CORIN: variants seen among roughly 807,000 people sequenced by gnomAD.
The protein encoded by CORIN is corin, serine peptidase, also known as atrial natriuretic peptide-converting enzyme.
A neutral mutation model predicts 125.3 loss-of-function variants in CORIN; 117 were observed. The observed-to-expected ratio is 0.93, with a 90% CI of 0.80 to 1.09. The LOEUF is 1.09. Among genes scored for constraint, CORIN ranks in the 50% least tolerant of loss-of-function variants. CORIN has a pLI of 0.00. For synonymous variants in CORIN, 450 were observed against 466.4 expected, an observed-to-expected ratio of 0.96 and a Z score of 0.45; for missense variants, 1,253 against 1,306.7, an observed-to-expected ratio of 0.96 and a Z score of 0.63.
At chr4:47,713,107 A>G (rs1726923905) in intron 5 of CORIN, among the ~76,000 whole-genome samples, 2 of 152,186 alleles carry the variant, frequency 1.3e-5, no homozygotes, top group Admixed American at 1.3e-4. Context: ...AAAACAATAA[A>G]ACTTTCTTCA....
At chr4:47,741,556 G>C (rs1227910344) in intron 5 of CORIN, among the ~76,000 whole-genome samples, 4 of 152,020 alleles carry the variant, frequency 2.6e-5, no homozygotes, top group Admixed American at 1.3e-4. Context: ...ATATAGCTGA[G>C]AGAATTAAAA....
chr4:47,689,914 A>T (rs1725693345), intron 6 of CORIN, among the ~76,000 whole-genome samples: 1 of 152,196 alleles, frequency 6.6e-6, no homozygotes, highest in Non-Finnish European at 1.5e-5. Context: ...ACTGAAAGCC[A>T]GGGTTACAGA....
intron 2 of CORIN, among the ~76,000 whole-genome samples, chr4:47,792,652 G>A (rs901250053): frequency 2.0e-5 from 3 of 152,180 alleles, no homozygotes; most frequent in African/African-American, 7.2e-5. Context: ...TCCTTCTACT[G>A]GGGCATAAGC....
intron 12 of CORIN, among the ~76,000 whole-genome samples, chr4:47,658,843 G>A (rs572542970): frequency 1.6e-4 from 24 of 152,312 alleles, no homozygotes; most frequent in African/African-American, 5.5e-4. Context: ...CACATAGGTA[G>A]GCTGCAAATT....
At chr4:47,600,412 G>T in intron 20 of CORIN, 65 bp from the exon 21 acceptor site, 1 of 1,113,620 alleles carries the variant, frequency 9.0e-7, no homozygotes, top group Non-Finnish European at 1.2e-6. Context: ...AGGCTAGTGA[G>T]GCTAGCCAAA....
At chr4:47,680,072 A>C (rs1004762778) in intron 8 of CORIN, 69 bp downstream of exon 8, 1 of 984,650 alleles carries the variant, frequency 1.0e-6, no homozygotes, top group African/African-American at 1.6e-5. Flanking sequence ...TACAGTCCTC[A>C]ACCTTGAGTA....
At chr4:47,784,735 A>G (rs544707026) in intron 3 of CORIN, among the ~76,000 whole-genome samples, 1 of 152,276 alleles carries the variant, frequency 6.6e-6, no homozygotes, top group African/African-American at 2.4e-5. Flanking sequence ...TGCTTAAGAC[A>G]TGACTGAAAA....
At chr4:47,631,716 C>G (rs1157326777) in intron 16 of CORIN, among the ~76,000 whole-genome samples, 1 of 152,188 alleles carries the variant, frequency 6.6e-6, no homozygotes, top group African/African-American at 2.4e-5. Context: ...AAACCAGTCC[C>G]TGGTGCCAAA....
At position 47,683,657 on chromosome 4, in the gene CORIN, A is replaced by G. The variant is rs925312697; in HGVS notation, c.1021+74T>C. On this transcript the variant is annotated intron_variant, in intron 7 of 21. Transcript: ENST00000273857. Reference sequence around the variant, plus strand: ...TAAACTGCTAATCATATTAACACATAATGAACTGTAAGTTTTTGGTTATAA... The same window carrying G: ...TAAACTGCTAATCATATTAACACATGATGAACTGTAAGTTTTTGGTTATAA... 51 of 1,054,634 alleles carry G rather than the reference A, an allele frequency of 4.8e-5. No homozygotes were observed. The African/African-American group carries it at 7.2e-4, about 15-fold the overall frequency. The allele number at this position is 1,054,634 out of a possible 1,614,324, so 65.3% of individuals were successfully genotyped here.
chr4:47,781,936 T>G (rs1049554410), intron 3 of CORIN, among the ~76,000 whole-genome samples: 25 of 151,140 alleles, frequency 1.7e-4, no homozygotes, highest in African/African-American at 5.6e-4. Flanking sequence ...AGACTCCATC[T>G]CAAAAAAAGA....
intron 2 of CORIN, chr4:47,790,256 T>G: frequency 5.2e-6 from 5 of 965,276 alleles, no homozygotes; most frequent in Non-Finnish European, 6.2e-6. Context: ...GACAGCCAAG[T>G]AAAAATGGCT....
At chr4:47,647,193 C>A (rs1723529219) in intron 13 of CORIN, among the ~76,000 whole-genome samples, 1 of 152,012 alleles carries the variant, frequency 6.6e-6, no homozygotes, top group South Asian at 2.1e-4. Context: ...GAGAAAGAGC[C>A]TGAAGCCTGT....
chr4:47,713,065 TCTA>T (rs1726921216), intron 5 of CORIN, among the ~76,000 whole-genome samples: 1 of 152,122 alleles, frequency 6.6e-6, no homozygotes. Context: ...AAAATGGGCT[TCTA>T]CTCTGAAAAA....
chr4:47,703,026 G>A (rs747312341), intron 5 of CORIN, among the ~76,000 whole-genome samples: 20 of 151,872 alleles, frequency 1.3e-4, no homozygotes, highest in Admixed American at 2.0e-4. Context: ...CCATCAACCC[G>A]TCATCTACAT....
intron 16 of CORIN, among the ~76,000 whole-genome samples, chr4:47,636,467 G>C (rs893167973): frequency 2.6e-5 from 4 of 152,190 alleles, no homozygotes; most frequent in Non-Finnish European, 5.9e-5. Context: ...ATATGCTGTT[G>C]ACATGATTTG....
At position 47,594,632 on chromosome 4, in the gene CORIN, T is replaced by G. The variant is rs868811071; in HGVS notation, c.*1089A>C. ...TGCAAAGTCTTACTGTGCTCTAAAA[T>G]ATGCTCTTTATGACTTTGTTGGTAT... On this transcript the variant is annotated 3_prime_UTR_variant, in exon 22 of 22. Coordinates refer to ENST00000273857, the MANE Select transcript of CORIN (RefSeq NM_006587.4). The G allele has an allele frequency of 6.6e-5, 10 of 152,294 alleles. No individual in the cohort carries two copies. The South Asian group carries it at 1.7e-3, about 25-fold the overall frequency. 9.4% of individuals were successfully genotyped at this position (152,294 alleles called of 1,614,324 possible).
At position 47,767,370 on chromosome 4, in the gene CORIN, A is replaced by G. The variant is rs928370544; in HGVS notation, c.410-3784T>C. On this transcript the variant is annotated intron_variant, in intron 3 of 21. Transcript: ENST00000273857. ...AATTACCACCATTAAAAAGAAAAAA[A>G]AAGAAAAATATTCATCTATCTCTAA... 3.4e-5 allele frequency among the ~76,000 whole-genome samples: 5 copies of G among 148,426 alleles called. No homozygotes were observed. In the Admixed American group the frequency reaches 3.4e-4, roughly 10 times the overall value.
At chr4:47,606,467 C>T (rs916611760) in intron 19 of CORIN, among the ~76,000 whole-genome samples, 1 of 152,078 alleles carries the variant, frequency 6.6e-6, no homozygotes, top group African/African-American at 2.4e-5. Flanking sequence ...CTGTGTTGCC[C>T]AAGCTGGTCT....
chr4:47,787,240 T>C (rs1256836585), intron 2 of CORIN, among the ~76,000 whole-genome samples: 1 of 152,174 alleles, frequency 6.6e-6, no homozygotes, highest in Non-Finnish European at 1.5e-5. Context: ...TAATTCTACC[T>C]CACCTGAGAC....
Sources: gnomAD v4.1 joint callset for allele counts (sites outside exome capture counted in the v4.1 genomes callset) on GRCh38, gnomAD v4.1.1 for gene constraint, MANE v1.5 for transcripts, NCBI Gene and HGNC (gene_info 2026-07-23, HGNC 2026-07-21) for gene names.